Variants in CACHD1 observed in about 807,000 individuals in gnomAD.
CACHD1 encodes cache domain containing 1, also known as VWFA and cache domain-containing protein 1.
CACHD1 carries 71 observed loss-of-function variants against 138.7 expected under a neutral mutation model. That is an observed-to-expected ratio of 0.51 (90% CI 0.42 to 0.62). The LOEUF (loss-of-function observed/expected upper bound fraction) is 0.62. CACHD1 is among the 20% of genes least tolerant of loss of function. The pLI is 0.00. For synonymous variants in CACHD1, 578 were observed against 591.5 expected (o/e 0.98, Z 0.33); for missense variants, 1,389 against 1,625.3 (o/e 0.85, Z 2.50).
chr1:64,493,335 A>G (rs1646289012), intron 1 of CACHD1, among the ~76,000 whole-genome samples: 1 of 152,204 alleles, frequency 6.6e-6, no homozygotes, highest in Admixed American at 6.5e-5. Context: ...GAAAAGCTGA[A>G]TCCTTCATGA....
chr1:64,524,860 T>C (rs1344764120), intron 1 of CACHD1, among the ~76,000 whole-genome samples: 1 of 152,188 alleles, frequency 6.6e-6, no homozygotes, highest in Non-Finnish European at 1.5e-5. Flanking sequence ...TTTCCGAATA[T>C]TGCTTTTTTT....
chr1:64,654,456 A>G (rs1219333555), intron 11 of CACHD1, among the ~76,000 whole-genome samples: 2 of 152,208 alleles, frequency 1.3e-5, no homozygotes, highest in Admixed American at 1.3e-4. Context: ...GTCTCTGGAA[A>G]GAATTAGAGT....
At chr1:64,598,784 A>G (rs1359569180) in intron 3 of CACHD1, among the ~76,000 whole-genome samples, 1 of 151,984 alleles carries the variant, frequency 6.6e-6, no homozygotes, top group Admixed American at 6.6e-5. Context: ...TTCATTATTT[A>G]TAATAAATCT....
intron 3 of CACHD1, among the ~76,000 whole-genome samples, chr1:64,592,400 G>A (rs1647113656): frequency 6.6e-6 from 1 of 152,216 alleles, no homozygotes; most frequent in South Asian, 2.1e-4. Context: ...CACATGTAGA[G>A]TAAGCTAAGG....
intron 8 of CACHD1, among the ~76,000 whole-genome samples, chr1:64,645,228 A>G (rs971778837): frequency 1.3e-5 from 2 of 152,240 alleles, no homozygotes; most frequent in African/African-American, 2.4e-5. Flanking sequence ...TAACAAAAAT[A>G]TAGTTAGATA....
intron 2 of CACHD1, among the ~76,000 whole-genome samples, chr1:64,555,739 C>T (rs1279170568): frequency 6.6e-6 from 1 of 152,158 alleles, no homozygotes; most frequent in Non-Finnish European, 1.5e-5. Context: ...GTATTTTATC[C>T]ACCTGGAATT....
chr1:64,517,463 C>G (rs1646466974), intron 1 of CACHD1, among the ~76,000 whole-genome samples: 1 of 152,002 alleles, frequency 6.6e-6, no homozygotes, highest in African/African-American at 2.4e-5. Flanking sequence ...TGGCAGGGAG[C>G]TGTGGGGTTG....
chr1:64,654,283 A>C (rs1649194363), intron 11 of CACHD1, among the ~76,000 whole-genome samples: 1 of 152,226 alleles, frequency 6.6e-6, no homozygotes, highest in African/African-American at 2.4e-5. Flanking sequence ...CGTCCATTCC[A>C]AGTTGACAGC....
chr1:64,681,552 T>G (rs112859902), intron 25 of CACHD1, among the ~76,000 whole-genome samples: 25 of 94,656 alleles, frequency 2.6e-4, no homozygotes, highest in South Asian at 7.9e-4. Flanking sequence ...TTTTTTTTTT[T>G]TTTTTTTTTT....
chr1:64,494,013 G>A (rs988201335), intron 1 of CACHD1, among the ~76,000 whole-genome samples: 1 of 152,210 alleles, frequency 6.6e-6, no homozygotes, highest in Non-Finnish European at 1.5e-5. Context: ...ACCTGCTCCA[G>A]AATAATGGGA....
intron 4 of CACHD1, among the ~76,000 whole-genome samples, chr1:64,622,678 C>G (rs1179525806): frequency 6.6e-6 from 1 of 152,070 alleles, no homozygotes; most frequent in African/African-American, 2.4e-5. Context: ...GCAAGCACAC[C>G]TAAATCAATC....
At chr1:64,644,242 A>G (rs1361970197) in intron 8 of CACHD1, among the ~76,000 whole-genome samples, 2 of 152,180 alleles carry the variant, frequency 1.3e-5, no homozygotes, top group Non-Finnish European at 2.9e-5. Flanking sequence ...CATGAGAGGT[A>G]GGAAGGGTGG....
intron 3 of CACHD1, among the ~76,000 whole-genome samples, chr1:64,600,527 A>G (rs2100574063): frequency 6.6e-6 from 1 of 152,350 alleles, no homozygotes; most frequent in Non-Finnish European, 1.5e-5. Flanking sequence ...AGCCCAGAAC[A>G]GGAGTAGGTA....
chr1:64,540,885 T>C (rs1009530380), intron 1 of CACHD1, among the ~76,000 whole-genome samples: 9 of 152,274 alleles, frequency 5.9e-5, no homozygotes, highest in African/African-American at 2.2e-4. Flanking sequence ...TCAGAGCTCA[T>C]GTTGGTTTGT....
At chr1:64,624,367 T>C (rs1339827496) in intron 4 of CACHD1, among the ~76,000 whole-genome samples, 2 of 152,232 alleles carry the variant, frequency 1.3e-5, no homozygotes, top group African/African-American at 4.8e-5. Flanking sequence ...GCTCCCCTTT[T>C]AATAGTTTCT....
At chr1:64,509,597 G>A (rs892699649) in intron 1 of CACHD1, among the ~76,000 whole-genome samples, 1 of 152,274 alleles carries the variant, frequency 6.6e-6, no homozygotes, top group South Asian at 2.1e-4. Context: ...CTTTGACCAT[G>A]AAATCAGCCC....
intron 1 of CACHD1, among the ~76,000 whole-genome samples, chr1:64,489,522 G>C (rs12041642): frequency 6.6e-6 from 1 of 152,136 alleles, no homozygotes; most frequent in African/African-American, 2.4e-5. Flanking sequence ...AGCAGACCCC[G>C]CTCTCAGGCC....
Position 64,519,271 on chromosome 1 carries a change from A to G in CACHD1, c.199-31323A>G, listed in dbSNP as rs536929299. ...AGCAATGGAAATGTGGGAAAATTCC[A>G]GATGCTAAATGATCTGGCTTGGACC... is the stretch of plus-strand genomic sequence containing the variant. On this transcript the variant is annotated intron_variant, in intron 1 of 26. Coordinates refer to ENST00000651257, the MANE Select transcript of CACHD1 (RefSeq NM_020925.4). Among the ~76,000 whole-genome samples, 3 of 152,300 alleles carry G rather than the reference A, an allele frequency of 2.0e-5. No individual in the cohort carries two copies. The East Asian group carries it at 5.8e-4, about 29-fold the overall frequency.
At chr1:64,573,303 C>T (rs1262506080) in intron 2 of CACHD1, among the ~76,000 whole-genome samples, 1 of 152,112 alleles carries the variant, frequency 6.6e-6, no homozygotes, top group African/African-American at 2.4e-5. Flanking sequence ...ACTCTGTCTG[C>T]CATGTGTGGA....
Sources: gnomAD v4.1 joint callset for allele counts (sites outside exome capture counted in the v4.1 genomes callset) on GRCh38, gnomAD v4.1.1 for gene constraint, MANE v1.5 for transcripts, NCBI Gene and HGNC (gene_info 2026-07-23, HGNC 2026-07-21) for gene names.